HS3ST4: variants seen among roughly 807,000 people sequenced by gnomAD.
The protein encoded by HS3ST4 is heparan sulfate glucosamine 3-O-sulfotransferase 4.
A neutral mutation model predicts 29.2 loss-of-function variants in HS3ST4; 17 were observed. That is an observed-to-expected ratio of 0.58 (90% CI 0.40 to 0.87). HS3ST4 has a LOEUF of 0.87. Ranked by LOEUF, HS3ST4 falls within the 40% of genes least tolerant of loss-of-function variation. The probability of loss-of-function intolerance (pLI) is 0.00; values close to 1 mark genes in which losing one functional copy is unlikely to be tolerated. For synonymous variants in HS3ST4, 314 were observed against 285.7 expected, an observed-to-expected ratio of 1.10 and a Z score of -1.00; for missense variants, 627 against 634.5, an observed-to-expected ratio of 0.99 and a Z score of 0.13.
At chr16:25,924,360 A>G (rs141765771) in intron 1 of HS3ST4, among the ~76,000 whole-genome samples, 5,517 of 152,284 alleles carry the variant, frequency 0.036, 394 homozygotes, top group Admixed American at 0.18. Flanking sequence ...ACAGCCTTTC[A>G]TCTACCTCCT....
chr16:25,975,428 T>G (rs7192784), intron 1 of HS3ST4, among the ~76,000 whole-genome samples: 1,610 of 152,192 alleles, frequency 0.011, 32 homozygotes, highest in African/African-American at 0.037. Flanking sequence ...GGCATATTGG[T>G]AAGTTTGGGA....
intron 1 of HS3ST4, among the ~76,000 whole-genome samples, chr16:25,936,573 A>G (rs912842607): frequency 6.6e-6 from 1 of 152,242 alleles, no homozygotes; most frequent in East Asian, 1.9e-4. Flanking sequence ...GAATTTAGCG[A>G]GTAATTAATA....
At chr16:25,907,297 G>T (rs1368144495) in intron 1 of HS3ST4, among the ~76,000 whole-genome samples, 7 of 152,158 alleles carry the variant, frequency 4.6e-5, no homozygotes, top group Admixed American at 1.3e-4. Context: ...AGACTTGATG[G>T]CTAATTCCAG....
chr16:26,051,880 G>A (rs551437050), intron 1 of HS3ST4, among the ~76,000 whole-genome samples: 1 of 63,006 alleles, frequency 1.6e-5, no homozygotes, highest in African/African-American at 5.5e-5. Context: ...CTCCCTCCCT[G>A]CCTCCCTCCC....
At position 25,937,632 on chromosome 16, in the gene HS3ST4, G is replaced by A. The variant is rs564986281; in HGVS notation, c.735-197980G>A. ...GGTGCAGCTGGAGGGCTAGGTGGAAGCTGGATTATGATGGGCCTGAGGACT... is the reference window on the plus strand; with the variant it reads ...GGTGCAGCTGGAGGGCTAGGTGGAAACTGGATTATGATGGGCCTGAGGACT... On this transcript the variant is annotated intron_variant, in intron 1 of 1. Transcript: ENST00000331351. Among the ~76,000 whole-genome samples the A allele has an allele frequency of 1.1e-4, 16 of 152,268 alleles. No homozygotes were observed. In the South Asian group the frequency reaches 1.9e-3, roughly 18 times the overall value.
rs528427754 is a variant in HS3ST4, at chr16:25,692,579, C to A, written c.162C>A (p.Gly54=). The change falls in exon 1 of 2, where the codon GGC becomes GGA. Residue 54 remains glycine, a synonymous_variant. Coordinates refer to ENST00000331351, the MANE Select transcript of HS3ST4 (RefSeq NM_006040.3). ...SVTYLCYSLL[G]GSGSLQFPLA... is the part of the protein sequence containing the mutation. ...CCTACCTGTGCTACAGCCTCCTGGG[C>A]GGCTCGGGCTCCCTGCAATTCCCTC... is the stretch of plus-strand genomic sequence containing the variant. 28 of 1,430,968 alleles carry A rather than the reference C, an allele frequency of 2.0e-5. No homozygotes were observed. In the South Asian group the frequency reaches 3.7e-4, roughly 19 times the overall value. 88.6% of individuals were successfully genotyped at this position (1,430,968 alleles called of 1,614,324 possible). A position where few individuals can be genotyped will look rare whatever the true frequency, so the allele number is the denominator to read the frequency against.
intron 1 of HS3ST4, among the ~76,000 whole-genome samples, chr16:26,058,964 A>G (rs571972587): frequency 3.9e-5 from 6 of 152,238 alleles, no homozygotes; most frequent in African/African-American, 1.4e-4. Flanking sequence ...GCTGGGAGGA[A>G]GGTGGGTTCT....
chr16:25,969,057 G>T (rs1461676426), intron 1 of HS3ST4, among the ~76,000 whole-genome samples: 1 of 152,132 alleles, frequency 6.6e-6, no homozygotes, highest in Non-Finnish European at 1.5e-5. Flanking sequence ...CTAACCTCTG[G>T]ATCCACTGTC....
At chr16:25,810,872 T>G (rs1967034980) in intron 1 of HS3ST4, among the ~76,000 whole-genome samples, 1 of 152,230 alleles carries the variant, frequency 6.6e-6, no homozygotes, top group Non-Finnish European at 1.5e-5. Context: ...TAGCTTTGAT[T>G]TGAATATTTT....
At chr16:25,857,733 A>G (rs560765467) in intron 1 of HS3ST4, among the ~76,000 whole-genome samples, 1 of 152,254 alleles carries the variant, frequency 6.6e-6, no homozygotes, top group East Asian at 1.9e-4. Context: ...TTTTACACTT[A>G]TGAATACATA....
intron 1 of HS3ST4, among the ~76,000 whole-genome samples, chr16:26,010,146 T>C (rs1051077213): frequency 6.6e-6 from 1 of 152,170 alleles, no homozygotes; most frequent in South Asian, 2.1e-4. Context: ...TTCTGTAGTC[T>C]AAGTGGCATT....
chr16:25,902,184 A>T (rs1222892120), intron 1 of HS3ST4, among the ~76,000 whole-genome samples: 1 of 152,194 alleles, frequency 6.6e-6, no homozygotes, highest in Non-Finnish European at 1.5e-5. Context: ...AAGAAAACTG[A>T]TGTTGTCACC....
intron 1 of HS3ST4, among the ~76,000 whole-genome samples, chr16:25,996,920 A>C (rs1274476305): frequency 6.6e-6 from 1 of 152,204 alleles, no homozygotes; most frequent in African/African-American, 2.4e-5. Flanking sequence ...TACTGTTAAC[A>C]CAGTTTTATA....
At chr16:25,957,071 A>G (rs576482077) in intron 1 of HS3ST4, among the ~76,000 whole-genome samples, 87 of 152,126 alleles carry the variant, frequency 5.7e-4, no homozygotes, top group African/African-American at 2.0e-3. Context: ...GGCTACTACA[A>G]TATTTCAGTG....
intron 1 of HS3ST4, among the ~76,000 whole-genome samples, chr16:26,109,016 A>G (rs977920385): frequency 6.6e-6 from 1 of 152,164 alleles, no homozygotes; most frequent in Non-Finnish European, 1.5e-5. Context: ...GACACAGAGT[A>G]ACCTAGATTA....
At chr16:25,922,019 T>TACTG (rs1968359457) in intron 1 of HS3ST4, among the ~76,000 whole-genome samples, 1 of 152,158 alleles carries the variant, frequency 6.6e-6, no homozygotes, top group African/African-American at 2.4e-5. Flanking sequence ...CCTCTCAAAG[T>TACTG]ACTGCAATTA....
intron 1 of HS3ST4, among the ~76,000 whole-genome samples, chr16:26,092,272 C>A (rs952414323): frequency 1.3e-5 from 2 of 152,166 alleles, no homozygotes; most frequent in African/African-American, 4.8e-5. Flanking sequence ...ATAGCCTTCT[C>A]CACAGGACAA....
intron 1 of HS3ST4, among the ~76,000 whole-genome samples, chr16:25,919,568 C>T (rs1388415539): frequency 6.6e-6 from 1 of 152,036 alleles, no homozygotes; most frequent in East Asian, 1.9e-4. Context: ...GGTGATATCA[C>T]TTAGGGAGAT....
chr16:25,708,040 G>T (rs1966387924), intron 1 of HS3ST4, among the ~76,000 whole-genome samples: 1 of 152,150 alleles, frequency 6.6e-6, no homozygotes, highest in Non-Finnish European at 1.5e-5. Flanking sequence ...CTAATTTCCT[G>T]TTTTTTAATT....
Sources: allele counts gnomAD v4.1 joint callset (sites outside exome capture counted in the v4.1 genomes callset), GRCh38; gene constraint gnomAD v4.1.1; transcripts MANE v1.5; gene names NCBI Gene and HGNC (gene_info 2026-07-23, HGNC 2026-07-21).